CLDN1: variants seen among roughly 807,000 people sequenced by gnomAD.
CLDN1 encodes the protein claudin 1.
Under a neutral mutation model 22.6 loss-of-function variants are expected in CLDN1, and 12 were observed. That is an observed-to-expected ratio of 0.53 (90% CI 0.34 to 0.86). The LOEUF (loss-of-function observed/expected upper bound fraction) is 0.86. Among genes scored for constraint, CLDN1 ranks in the 40% least tolerant of loss-of-function variants. CLDN1 has a pLI of 0.02. For synonymous variants in CLDN1, 99 were observed against 103.8 expected (o/e 0.95, Z 0.28); for missense variants, 250 against 269.5 (o/e 0.93, Z 0.51).
rs1399563825 is a variant in CLDN1 at position 190,315,266 on chromosome 3, A to T, written c.224-2230T>A. Reference sequence around the variant, plus strand: ...TCCATGTCTGGAGGATAGGGAAACCACATATCTCAGTTTGCCTGGAACAGT... The same window carrying T: ...TCCATGTCTGGAGGATAGGGAAACCTCATATCTCAGTTTGCCTGGAACAGT... On this transcript the variant is annotated intron_variant, in intron 1 of 3. Transcript: ENST00000295522. Among the ~76,000 whole-genome samples the T allele has an allele frequency of 3.3e-5, 5 of 152,298 alleles. No individual in the cohort carries two copies. In the East Asian group the frequency reaches 7.7e-4, roughly 24 times the overall value.
chr3:190,315,511 AAG>A (rs1406425781), intron 1 of CLDN1, among the ~76,000 whole-genome samples: 1 of 152,190 alleles, frequency 6.6e-6, no homozygotes, highest in East Asian at 1.9e-4. Flanking sequence ...TATCTTGAGA[AAG>A]GGGCGACATG....
chr3:190,307,894 T>G lies in CLDN1; in HGVS notation c.*383A>C. On this transcript the variant is annotated 3_prime_UTR_variant, in exon 4 of 4. Transcript: ENST00000295522. ...ATGGAATTAAATACATTTACCTATTTTAGAGATATTTTAAGTATGCTAGTA... is the reference window on the plus strand; with the variant it reads ...ATGGAATTAAATACATTTACCTATTGTAGAGATATTTTAAGTATGCTAGTA... 1 of 168,814 alleles carries G rather than the reference T, an allele frequency of 5.9e-6. No individual in the cohort carries two copies. The highest frequency in any genetic ancestry group is 5.7e-5 in the Admixed American group (1 of 17,478). 10.5% of individuals were successfully genotyped at this position (168,814 alleles called of 1,614,324 possible). A position where few individuals can be genotyped will look rare whatever the true frequency, so the allele number is the denominator to read the frequency against.
intron 1 of CLDN1, among the ~76,000 whole-genome samples, chr3:190,320,409 T>A (rs896691401): frequency 6.6e-6 from 1 of 152,162 alleles, no homozygotes; most frequent in African/African-American, 2.4e-5. Context: ...TATCTTTCCA[T>A]GGAGAAATTC....
Position 190,315,043 on chromosome 3 carries a change from A to C in CLDN1, c.224-2007T>G, listed in dbSNP as rs190689655. Among the ~76,000 whole-genome samples the C allele has an allele frequency of 7.2e-4, 109 of 152,296 alleles. 1 individual carries two copies. The highest frequency in any genetic ancestry group is 3.4e-3 in the Middle Eastern group (1 of 294). On this transcript the variant is annotated intron_variant, in intron 1 of 3. Transcript: ENST00000295522. ...CTGTGGTATGAAGAGGAAAGTACCAAGGGCTCCATGGTTAAGGTATGTCCT... is the reference window on the plus strand; with the variant it reads ...CTGTGGTATGAAGAGGAAAGTACCACGGGCTCCATGGTTAAGGTATGTCCT...
chr3:190,308,811 A>G, intron 3 of CLDN1, among the ~76,000 whole-genome samples: 1 of 152,206 alleles, frequency 6.6e-6, no homozygotes, highest in South Asian at 2.1e-4. Context: ...AGTAGTAATC[A>G]TATTCTATAA....
chr3:190,308,121 G>A lies in CLDN1; in HGVS notation c.*156C>T, dbSNP rs1716508154. Reference sequence around the variant, plus strand: ...AAGATTAAGCCATGTTTAGCACTGAGTATTTTAACACATGGGTTTTTTGTT... The same window carrying A: ...AAGATTAAGCCATGTTTAGCACTGAATATTTTAACACATGGGTTTTTTGTT... On this transcript the variant is annotated 3_prime_UTR_variant, in exon 4 of 4. Coordinates refer to ENST00000295522, the MANE Select transcript of CLDN1 (RefSeq NM_021101.5). 4 of 860,080 alleles carry A rather than the reference G, an allele frequency of 4.7e-6. No homozygotes were observed. Among genetic ancestry groups the A allele is most frequent in the Non-Finnish European group, 5.7e-6 (3 of 526,396 alleles). The allele number at this position is 860,080 out of a possible 1,614,324, so 53.3% of individuals were successfully genotyped here. A position where few individuals can be genotyped will look rare whatever the true frequency, so the allele number is the denominator to read the frequency against.
rs1716506390 is a variant in CLDN1, at chr3:190,308,043, A to G, written c.*234T>C. The G allele has an allele frequency of 2.1e-6, 1 of 474,418 alleles. No individual in the cohort carries two copies. Among genetic ancestry groups the G allele is most frequent in the Non-Finnish European group, 3.8e-6 (1 of 260,770 alleles). The allele number at this position is 474,418 out of a possible 1,614,324, so 29.4% of individuals were successfully genotyped here. ...TGAGTATGATTACTCAATGGGAAGC[A>G]GTAATACAAATGGAAAAATCTTCCC... On this transcript the variant is annotated 3_prime_UTR_variant, in exon 4 of 4. Coordinates refer to ENST00000295522, the MANE Select transcript of CLDN1 (RefSeq NM_021101.5).
chr3:190,318,411 G>A (rs1299976658), intron 1 of CLDN1, among the ~76,000 whole-genome samples: 1 of 152,120 alleles, frequency 6.6e-6, no homozygotes, highest in Non-Finnish European at 1.5e-5. Context: ...TCTGGCACTG[G>A]AAGGAATCTT....
chr3:190,315,793 C>T (rs527700958), intron 1 of CLDN1, among the ~76,000 whole-genome samples: 12 of 152,172 alleles, frequency 7.9e-5, no homozygotes, highest in South Asian at 4.2e-4. Flanking sequence ...GTCACTTGCC[C>T]AGCAGGTCTG....
At chr3:190,317,840 A>G (rs867970130) in intron 1 of CLDN1, among the ~76,000 whole-genome samples, 1 of 152,204 alleles carries the variant, frequency 6.6e-6, no homozygotes, top group Non-Finnish European at 1.5e-5. Flanking sequence ...TCCACCTATA[A>G]GTGGACACTT....
At chr3:190,311,934 A>G (rs1307096830) in intron 2 of CLDN1, among the ~76,000 whole-genome samples, 1 of 148,026 alleles carries the variant, frequency 6.8e-6, no homozygotes, top group Non-Finnish European at 1.5e-5. Flanking sequence ...GAATTAAAAA[A>G]CAGATATTTC....
chr3:190,316,254 G>C (rs1405148926), intron 1 of CLDN1, among the ~76,000 whole-genome samples: 1 of 152,172 alleles, frequency 6.6e-6, no homozygotes, highest in Non-Finnish European at 1.5e-5. Flanking sequence ...GTTTTGCAAA[G>C]TAATATTTTC....
chr3:190,313,945 T>C (rs896242265), intron 1 of CLDN1, among the ~76,000 whole-genome samples: 1 of 152,186 alleles, frequency 6.6e-6, no homozygotes, highest in Non-Finnish European at 1.5e-5. Context: ...ACTGAAACTA[T>C]GCTGGTTAGA....
At chr3:190,314,655 C>T (rs772686247) in intron 1 of CLDN1, among the ~76,000 whole-genome samples, 55 of 152,118 alleles carry the variant, frequency 3.6e-4, no homozygotes, top group Admixed American at 1.7e-3. Context: ...CTGCCCACCT[C>T]GGCCTCCCAA....
chr3:190,317,854 G>T (rs575963679), intron 1 of CLDN1, among the ~76,000 whole-genome samples: 91 of 152,174 alleles, frequency 6.0e-4, no homozygotes, highest in Non-Finnish European at 6.9e-4. Flanking sequence ...GACACTTGCT[G>T]TTCAAACCTG....
rs778676405 is a variant in CLDN1 at position 190,322,147 on chromosome 3, G to A, written c.60C>T (p.Gly20=). 11 of 1,614,106 alleles carry A rather than the reference G, an allele frequency of 6.8e-6. No homozygotes were observed. The highest frequency in any genetic ancestry group is 5.9e-6 in the Non-Finnish European group (7 of 1,180,054). Residue 20 remains glycine (G), a synonymous_variant, in exon 1 of 4, where the codon GGC becomes GGT. Transcript: ENST00000295522. The part of the protein sequence containing the change: ...GFILAFLGWI[G]AIVSTALPQW... ...GGGGCAGGGCAGTGCTGACGATGGC[G>A]CCGATCCATCCCAGGAAGGCGAGAA...
intron 1 of CLDN1, among the ~76,000 whole-genome samples, chr3:190,314,263 T>C (rs1716703336): frequency 6.6e-6 from 1 of 152,210 alleles, no homozygotes; most frequent in East Asian, 1.9e-4. Flanking sequence ...AGTGTTAATA[T>C]TGTCAAGATT....
chr3:190,315,400 G>A (rs977910858), intron 1 of CLDN1, among the ~76,000 whole-genome samples: 10 of 152,148 alleles, frequency 6.6e-5, no homozygotes, highest in Non-Finnish European at 1.2e-4. Flanking sequence ...AAAGTAAAAC[G>A]AAGTTTAGCA....
At position 190,312,950 on chromosome 3, in the gene CLDN1, A is replaced by T; in HGVS notation, c.310T>A (p.Cys104Ser). 1.2e-6 allele frequency: 2 copies of T among 1,614,104 alleles called. No homozygotes were observed. The highest frequency in any genetic ancestry group is 2.7e-5 in the African/African-American group (2 of 75,016). ...TCATCGTCTTCCAAGCACTTCATACACTTCATGCCAACGGTGGCCACAAAG... is the reference window on the plus strand; with the variant it reads ...TCATCGTCTTCCAAGCACTTCATACTCTTCATGCCAACGGTGGCCACAAAG... ...AIFVATVGMK[C>S]MKCLEDDEVQ... Residue 104 changes from cysteine to serine, a missense_variant, in exon 2 of 4, where the codon TGT becomes AGT. Transcript: ENST00000295522.
Sources: gnomAD v4.1 joint callset for allele counts (sites outside exome capture counted in the v4.1 genomes callset) on GRCh38, gnomAD v4.1.1 for gene constraint, MANE v1.5 for transcripts, NCBI Gene and HGNC (gene_info 2026-07-23, HGNC 2026-07-21) for gene names.